PPP2R5E: variants seen among roughly 807,000 people sequenced by gnomAD.
PPP2R5E encodes serine/threonine-protein phosphatase 2A 56 kDa regulatory subunit epsilon isoform.
PPP2R5E carries 4 observed loss-of-function variants against 65.3 expected under a neutral mutation model. That is an observed-to-expected ratio of 0.06 (90% CI 0.03 to 0.14). The LOEUF (loss-of-function observed/expected upper bound fraction) is 0.14. Ranked by LOEUF, PPP2R5E falls within the 10% of genes least tolerant of loss-of-function variation. PPP2R5E has a pLI of 1.00. For synonymous variants in PPP2R5E, 183 were observed against 187.4 expected (o/e 0.98, Z 0.19); for missense variants, 274 against 556.1 (o/e 0.49, Z 5.10).
chr14:63,501,714 G>A lies in PPP2R5E; in HGVS notation c.157+37815C>T, dbSNP rs566529241. Among the ~76,000 whole-genome samples the A allele has an allele frequency of 2.0e-5, 3 of 152,236 alleles. No homozygotes were observed. In the South Asian group the frequency reaches 6.2e-4, roughly 32 times the overall value. On this transcript the variant is annotated intron_variant, in intron 2 of 13. Transcript: ENST00000337537. ...TTTAGATGAGTGAACTGTATAGTACGTGAATTATGTCTCAATAAAGCTGTT... is the reference window on the plus strand; with the variant it reads ...TTTAGATGAGTGAACTGTATAGTACATGAATTATGTCTCAATAAAGCTGTT...
chr14:63,520,748 G>C (rs1280056738), intron 2 of PPP2R5E, among the ~76,000 whole-genome samples: 5 of 151,040 alleles, frequency 3.3e-5, no homozygotes, highest in African/African-American at 1.2e-4. Context: ...AGGTGCAGTG[G>C]CTCACATCTG....
rs777964451 is a variant in PPP2R5E, at chr14:63,389,598, T to G, written c.1074+14A>C. ...AACTCATGCTCCCTGGCTCATGTCC[T>G]CTTTACTACTAACCTGAAAATGGGG... On this transcript the variant is annotated intron_variant, in intron 11 of 13. Transcript: ENST00000337537. The G allele has an allele frequency of 3.1e-6, 5 of 1,593,788 alleles. No individual in the cohort carries two copies. Among genetic ancestry groups the G allele is most frequent in the Non-Finnish European group, 4.3e-6 (5 of 1,173,928 alleles).
chr14:63,385,837 CAGG>C (rs778932131), intron 11 of PPP2R5E, among the ~76,000 whole-genome samples: 1 of 152,284 alleles, frequency 6.6e-6, no homozygotes. Context: ...CTGTGCAAGC[CAGG>C]AGATGTCTGC....
Position 63,375,827 on chromosome 14 carries a change from G to T in PPP2R5E, c.*182C>A. On this transcript the variant is annotated 3_prime_UTR_variant, in exon 14 of 14. Transcript: ENST00000337537. ...GAAGTCCATCTACTGTCCAAACTTT[G>T]GATTGAAGTCCTTATTTTGTTTTTT... 2.4e-6 allele frequency: 1 copy of T among 409,834 alleles called. No homozygotes were observed. Among genetic ancestry groups the T allele is most frequent in the Non-Finnish European group, 4.3e-6 (1 of 231,452 alleles). 25.4% of individuals were successfully genotyped at this position (409,834 alleles called of 1,614,324 possible). A position where few individuals can be genotyped will look rare whatever the true frequency, so the allele number is the denominator to read the frequency against.
Position 63,539,533 on chromosome 14 carries a change from T to C in PPP2R5E, c.153A>G (p.Leu51=), listed in dbSNP as rs771672003. The change falls in exon 2 of 14, where the codon CTA becomes CTG. Residue 51 remains leucine, a synonymous_variant. Coordinates refer to ENST00000337537, the MANE Select transcript of PPP2R5E (RefSeq NM_006246.5). ...TCACCTGGTCATGAGCCTTACCTTT[T>C]AGCAGCGGCAGAGGTGTTAACTCAA... ...KPIELTPLPL[L]KDVPSSEQPE... is the part of the protein sequence containing the mutation. 1 of 1,613,518 alleles carries C rather than the reference T, an allele frequency of 6.2e-7. No individual in the cohort carries two copies. Among genetic ancestry groups the C allele is most frequent in the East Asian group, 2.2e-5 (1 of 44,868 alleles).
chr14:63,433,178 C>T (rs914421183), intron 3 of PPP2R5E, among the ~76,000 whole-genome samples: 1 of 151,826 alleles, frequency 6.6e-6, no homozygotes. Context: ...GCTGGGACTA[C>T]AGGCATGTGC....
chr14:63,466,948 C>T (rs1380809724), intron 2 of PPP2R5E, among the ~76,000 whole-genome samples: 6 of 152,192 alleles, frequency 3.9e-5, no homozygotes, highest in East Asian at 1.9e-4. Context: ...CATTATTGGC[C>T]GGGTGCAGTG....
intron 2 of PPP2R5E, among the ~76,000 whole-genome samples, chr14:63,510,923 C>T (rs565322341): frequency 6.6e-6 from 1 of 152,240 alleles, no homozygotes; most frequent in South Asian, 2.1e-4. Context: ...GTGGTTTGGA[C>T]TAGGAAGTAG....
chr14:63,421,140 TA>T (rs1886999954), intron 4 of PPP2R5E, among the ~76,000 whole-genome samples: 1 of 144,534 alleles, frequency 6.9e-6, no homozygotes, highest in Non-Finnish European at 1.5e-5. Flanking sequence ...AGCTTCTGCC[TA>T]GGGGTGAAGA....
intron 3 of PPP2R5E, among the ~76,000 whole-genome samples, chr14:63,437,654 A>C (rs1888009341): frequency 6.6e-6 from 1 of 152,146 alleles, no homozygotes; most frequent in African/African-American, 2.4e-5. Context: ...TATTCTCATA[A>C]AGCCCTTACC....
chr14:63,404,721 G>A (rs557858476), intron 5 of PPP2R5E, among the ~76,000 whole-genome samples: 3 of 152,276 alleles, frequency 2.0e-5, no homozygotes, highest in African/African-American at 4.8e-5. Flanking sequence ...CAAGTCACAC[G>A]CTTTTATTTT....
chr14:63,499,590 G>A (rs1413116882), intron 2 of PPP2R5E, among the ~76,000 whole-genome samples: 2 of 152,144 alleles, frequency 1.3e-5, no homozygotes, highest in Admixed American at 1.3e-4. Context: ...CAGGCGTGGT[G>A]GCACTGCGTG....
At chr14:63,381,759 C>T (rs1366868485) in intron 13 of PPP2R5E, among the ~76,000 whole-genome samples, 4 of 152,156 alleles carry the variant, frequency 2.6e-5, no homozygotes, top group East Asian at 1.9e-4. Flanking sequence ...CAATTGGCTA[C>T]GGTATTCACC....
intron 2 of PPP2R5E, among the ~76,000 whole-genome samples, chr14:63,505,110 G>C (rs76321384): frequency 1.3e-5 from 2 of 152,122 alleles, no homozygotes; most frequent in Non-Finnish European, 2.9e-5. Context: ...CGAGACAGGC[G>C]GATCATTTGA....
intron 5 of PPP2R5E, among the ~76,000 whole-genome samples, chr14:63,413,961 G>A (rs555796506): frequency 1.2e-4 from 19 of 152,258 alleles, no homozygotes; most frequent in East Asian, 3.9e-4. Flanking sequence ...CTAATGAGCC[G>A]CACAGGCAAG....
chr14:63,485,196 TAAAAA>T (rs200719135), intron 2 of PPP2R5E, among the ~76,000 whole-genome samples: 1 of 126,370 alleles, frequency 7.9e-6, no homozygotes, highest in African/African-American at 3.0e-5. Context: ...TATACTCATT[TAAAAA>T]AAAAAAAAAA....
In PPP2R5E at chr14:63,522,440, G is replaced by A. The variant is rs374096025; in HGVS notation, c.157+17089C>T. Among the ~76,000 whole-genome samples, 963 of 149,088 alleles carry A rather than the reference G, an allele frequency of 6.5e-3. 56 individuals are homozygous for A. The East Asian group carries it at 0.14, about 22-fold the overall frequency. ...ACGTGAGGAGCCCCTCTGCCTGGCT[G>A]CCCAGTCTGGAAAGTGAGGAGCGTC... On this transcript the variant is annotated intron_variant, in intron 2 of 13. Transcript: ENST00000337537.
intron 2 of PPP2R5E, among the ~76,000 whole-genome samples, chr14:63,468,218 T>G (rs1364021759): frequency 6.6e-6 from 1 of 152,220 alleles, no homozygotes; most frequent in Admixed American, 6.5e-5. Flanking sequence ...TTACTGAATA[T>G]TTTCCATATT....
At chr14:63,406,814 A>G (rs925352786) in intron 5 of PPP2R5E, among the ~76,000 whole-genome samples, 3 of 152,252 alleles carry the variant, frequency 2.0e-5, no homozygotes, top group Non-Finnish European at 4.4e-5. Flanking sequence ...ACATCTTAAG[A>G]GAACCCAACA....
Sources: gnomAD v4.1 joint callset for allele counts (sites outside exome capture counted in the v4.1 genomes callset) on GRCh38, gnomAD v4.1.1 for gene constraint, MANE v1.5 for transcripts, NCBI Gene and HGNC (gene_info 2026-07-23, HGNC 2026-07-21) for gene names.